The following CRISP1 variants were observed in gnomAD, a reference collection of about 807,000 sequenced individuals.
CRISP1 encodes the protein cysteine-rich secretory protein 1.
Under a neutral mutation model 33.1 loss-of-function variants are expected in CRISP1, and 44 were observed. The observed-to-expected ratio is 1.33, with a 90% confidence interval of 1.05 to 1.71. The LOEUF (loss-of-function observed/expected upper bound fraction) is 1.71. CRISP1 is among the 40% of genes most tolerant of loss of function. CRISP1 has a pLI of 0.00. For synonymous variants in CRISP1, 103 were observed against 98.7 expected (o/e 1.04, Z -0.26); for missense variants, 390 against 301.2 (o/e 1.29, Z -2.18).
chr6:49,871,505 A>C (rs996272793), upstream of CRISP1, among the ~76,000 whole-genome samples: 2 of 151,830 alleles, frequency 1.3e-5, no homozygotes, highest in East Asian at 3.9e-4. Context: ...ATCTGTAAAC[A>C]GGTACACATT....
intron 3 of CRISP1, among the ~76,000 whole-genome samples, chr6:49,851,357 G>A (rs1012786775): frequency 6.6e-6 from 1 of 152,080 alleles, no homozygotes; most frequent in East Asian, 1.9e-4. Flanking sequence ...AAATGTGAGG[G>A]TAATCACCTA....
chr6:49,859,406 A>AC (rs202204135), intron 1 of CRISP1, among the ~76,000 whole-genome samples: 11,563 of 152,026 alleles, frequency 0.076, 558 homozygotes, highest in South Asian at 0.18. Flanking sequence ...GAAAGAAAAA[A>AC]AAAAAAAAGA....
Position 49,846,545 on chromosome 6 carries a change from T to A in CRISP1, c.410A>T (p.Asp137Val), listed in dbSNP as rs185407783. 4.9e-5 allele frequency: 79 copies of A among 1,613,486 alleles called. No individual in the cohort carries two copies. The Admixed American group carries it at 1.3e-3, about 27-fold the overall frequency. The change falls in exon 5 of 8, where the codon GAC becomes GTC. Residue 137 changes from aspartate to valine, a missense_variant. Transcript: ENST00000335847. The part of the protein sequence containing the change: ...KHGEWTTTDD[D>V]ITTDHYTQIV... ...CTGAGTGTAGTGGTCAGTAGTTATG[T>A]CATCATCCGTTGTTGTCCATTCTCC... is the stretch of plus-strand genomic sequence containing the variant.
At chr6:49,856,372 C>A (rs1234857444) in intron 2 of CRISP1, among the ~76,000 whole-genome samples, 1 of 152,102 alleles carries the variant, frequency 6.6e-6, no homozygotes, top group Non-Finnish European at 1.5e-5. Context: ...GGTCACCCTT[C>A]CTCACTGGGG....
At chr6:49,858,192 G>A (rs1292218571) in intron 1 of CRISP1, among the ~76,000 whole-genome samples, 4 of 152,130 alleles carry the variant, frequency 2.6e-5, no homozygotes, top group Non-Finnish European at 5.9e-5. Flanking sequence ...ACTTTGCTAA[G>A]CATGGTTGTC....
intron 1 of CRISP1, among the ~76,000 whole-genome samples, chr6:49,874,423 CAA>C (rs1561953515): frequency 6.6e-6 from 1 of 152,030 alleles, no homozygotes; most frequent in African/African-American, 2.4e-5. Context: ...TGATAATGTG[CAA>C]AGAGTAATGA....
upstream of CRISP1, among the ~76,000 whole-genome samples, chr6:49,871,506 G>A (rs369527533): frequency 1.0e-3 from 159 of 151,774 alleles, no homozygotes; most frequent in Non-Finnish European, 1.8e-3. Context: ...TCTGTAAACA[G>A]GTACACATTA....
intron 1 of CRISP1, among the ~76,000 whole-genome samples, chr6:49,863,270 T>C (rs971611536): frequency 6.6e-6 from 1 of 152,186 alleles, no homozygotes; most frequent in African/African-American, 2.4e-5. Context: ...GTCCAACCTC[T>C]GGGACTTATC....
chr6:49,839,567 G>C (rs1770917854), intron 6 of CRISP1, among the ~76,000 whole-genome samples: 1 of 152,096 alleles, frequency 6.6e-6, no homozygotes, highest in African/African-American at 2.4e-5. Flanking sequence ...GTTTTAAAAA[G>C]CCTTTTTAAA....
chr6:49,863,232 T>C (rs1771702590), intron 1 of CRISP1, among the ~76,000 whole-genome samples: 1 of 152,146 alleles, frequency 6.6e-6, no homozygotes, highest in African/African-American at 2.4e-5. Context: ...AAAGACCCTG[T>C]AGATCCAGAC....
chr6:49,856,999 T>C (rs1771513546), intron 2 of CRISP1, among the ~76,000 whole-genome samples: 1 of 152,218 alleles, frequency 6.6e-6, no homozygotes, highest in East Asian at 1.9e-4. Context: ...ATTATATAGC[T>C]AATCTGCATT....
At chr6:49,856,512 G>A (rs749937821) in intron 2 of CRISP1, among the ~76,000 whole-genome samples, 5 of 152,112 alleles carry the variant, frequency 3.3e-5, no homozygotes, top group Non-Finnish European at 5.9e-5. Flanking sequence ...TCTCTCTGGG[G>A]AAGAAGAGTG....
intron 1 of CRISP1, among the ~76,000 whole-genome samples, chr6:49,865,136 C>A (rs1006563185): frequency 1.6e-4 from 24 of 151,990 alleles, no homozygotes; most frequent in African/African-American, 5.6e-4. Context: ...GTACTAGTAA[C>A]ACAAATACAG....
chr6:49,849,891 T>A (rs576320840), intron 3 of CRISP1, among the ~76,000 whole-genome samples: 4 of 150,880 alleles, frequency 2.7e-5, no homozygotes, highest in Admixed American at 1.3e-4. Flanking sequence ...CAAAAAAAAA[T>A]ATTTTAGTCA....
chr6:49,835,143 G>T lies in CRISP1; in HGVS notation c.*173C>A, dbSNP rs1025144315. 2 of 585,826 alleles carry T rather than the reference G, an allele frequency of 3.4e-6. No individual in the cohort carries two copies. The highest frequency in any genetic ancestry group is 5.7e-6 in the Non-Finnish European group (2 of 352,806). 36.3% of individuals were successfully genotyped at this position (585,826 alleles called of 1,614,324 possible). On this transcript the variant is annotated 3_prime_UTR_variant, in exon 8 of 8. Transcript: ENST00000335847. The stretch of plus-strand genomic sequence containing the variant: ...ACTTGACCTTTTACTCCAGCACTAA[G>T]AAAGTTTAAAACAGTGTTACTTCAG...
chr6:49,841,129 C>A, intron 5 of CRISP1, 134 bp from the exon 6 acceptor site: 1 of 737,904 alleles, frequency 1.4e-6, no homozygotes, highest in South Asian at 1.8e-5. Flanking sequence ...AATAAGAAGT[C>A]ATAGAAACAA....
Position 49,857,508 on chromosome 6 carries a change from A to G in CRISP1, c.-2-106T>C, listed in dbSNP as rs953069056. 7.8e-6 allele frequency: 8 copies of G among 1,028,212 alleles called. No individual in the cohort carries two copies. The African/African-American group carries it at 8.1e-5, about 10-fold the overall frequency. The allele number at this position is 1,028,212 out of a possible 1,614,324, so 63.7% of individuals were successfully genotyped here. A position where few individuals can be genotyped will look rare whatever the true frequency, so the allele number is the denominator to read the frequency against. ...ACATGTGTTTGCATTTTTTTTCCTAAAAGAAACCTTTAGGATCCGAACAAG... is the reference window on the plus strand; with the variant it reads ...ACATGTGTTTGCATTTTTTTTCCTAGAAGAAACCTTTAGGATCCGAACAAG... On this transcript the variant is annotated intron_variant, in intron 1 of 7. Coordinates refer to ENST00000335847, the MANE Select transcript of CRISP1 (RefSeq NM_001131.3).
At chr6:49,866,932 C>A (rs1222480328), upstream of CRISP1, among the ~76,000 whole-genome samples, 1 of 152,066 alleles carries the variant, frequency 6.6e-6, no homozygotes, top group Non-Finnish European at 1.5e-5. Flanking sequence ...ATAAACTACA[C>A]AATCTTATGG....
chr6:49,854,988 C>G (rs1392855096), intron 2 of CRISP1, among the ~76,000 whole-genome samples: 1 of 152,156 alleles, frequency 6.6e-6, no homozygotes, highest in Non-Finnish European at 1.5e-5. Context: ...AAATCCCTGA[C>G]AAGCTCAATT....
Sources: gnomAD v4.1 joint callset for allele counts (sites outside exome capture counted in the v4.1 genomes callset) on GRCh38, gnomAD v4.1.1 for gene constraint, MANE v1.5 for transcripts, NCBI Gene and HGNC (gene_info 2026-07-23, HGNC 2026-07-21) for gene names.